Variants in CDH10 observed in about 807,000 individuals in gnomAD.
CDH10 encodes the protein cadherin-10.
CDH10 carries 30 observed loss-of-function variants against 73.1 expected under a neutral mutation model. The observed-to-expected ratio is 0.41, with a 90% CI of 0.31 to 0.56. CDH10 has a LOEUF of 0.56. Among genes scored for constraint, CDH10 ranks in the 20% least tolerant of loss-of-function variants. CDH10 has a pLI of 0.27. For synonymous variants in CDH10, 345 were observed against 348.2 expected (o/e 0.99, Z 0.10); for missense variants, 815 against 973.7 (o/e 0.84, Z 2.17).
At chr5:24,529,861 G>A (rs1380541860) in intron 5 of CDH10, among the ~76,000 whole-genome samples, 1 of 151,882 alleles carries the variant, frequency 6.6e-6, no homozygotes, top group Non-Finnish European at 1.5e-5. Flanking sequence ...GAGTCAGTGA[G>A]TGTACAGAAG....
intron 5 of CDH10, among the ~76,000 whole-genome samples, chr5:24,514,046 G>C (rs765192319): frequency 2.2e-4 from 33 of 152,208 alleles, no homozygotes; most frequent in Non-Finnish European, 4.1e-4. Context: ...GAGTTCATCT[G>C]AGTGTAGTAG....
chr5:24,588,437 G>A (rs1356519769), intron 2 of CDH10, among the ~76,000 whole-genome samples: 1 of 152,090 alleles, frequency 6.6e-6, no homozygotes, highest in African/African-American at 2.4e-5. Context: ...ACTTGGGAAC[G>A]TTTAGTCTCA....
intron 1 of CDH10, among the ~76,000 whole-genome samples, chr5:24,630,106 G>C (rs934676799): frequency 9.2e-5 from 14 of 152,036 alleles, no homozygotes; most frequent in African/African-American, 2.4e-4. Flanking sequence ...GAATGATCTT[G>C]GTTTTAAGAA....
intron 2 of CDH10, among the ~76,000 whole-genome samples, chr5:24,564,052 A>C (rs545385224): frequency 2.8e-4 from 42 of 152,178 alleles, no homozygotes; most frequent in Non-Finnish European, 5.6e-4. Context: ...ACAGTGGACC[A>C]CCTGTGAAAT....
intron 1 of CDH10, among the ~76,000 whole-genome samples, chr5:24,602,073 A>G (rs955067023): frequency 6.6e-6 from 1 of 152,120 alleles, no homozygotes; most frequent in African/African-American, 2.4e-5. Context: ...AATATGTTTA[A>G]CCATTAGAAA....
At chr5:24,549,820 G>A (rs994020277) in intron 2 of CDH10, among the ~76,000 whole-genome samples, 1 of 152,050 alleles carries the variant, frequency 6.6e-6, no homozygotes, top group Non-Finnish European at 1.5e-5. Context: ...CCAAAGTGCT[G>A]AGATTACAGG....
chr5:24,567,746 A>G (rs753083165), intron 2 of CDH10, among the ~76,000 whole-genome samples: 2 of 152,116 alleles, frequency 1.3e-5, no homozygotes, highest in African/African-American at 2.4e-5. Context: ...AACTCATCAA[A>G]GTACACTCCA....
chr5:24,533,699 T>A (rs965194821), intron 5 of CDH10, among the ~76,000 whole-genome samples: 1 of 152,060 alleles, frequency 6.6e-6, no homozygotes, highest in Non-Finnish European at 1.5e-5. Context: ...ACTTGTAAAA[T>A]GTGAAATTTA....
At chr5:24,637,726 A>C (rs187973994) in intron 1 of CDH10, among the ~76,000 whole-genome samples, 187 of 152,042 alleles carry the variant, frequency 1.2e-3, no homozygotes, top group Non-Finnish European at 2.0e-3. Context: ...ATAATAATAA[A>C]TAGCAACATA....
intron 5 of CDH10, 147 bp downstream of exon 5, chr5:24,534,965 C>T: frequency 2.9e-6 from 2 of 689,648 alleles, no homozygotes; most frequent in South Asian, 2.2e-5. Flanking sequence ...TCAGCATGTA[C>T]ACCTTTTGTT....
chr5:24,597,186 T>G (rs1327880641), intron 1 of CDH10, among the ~76,000 whole-genome samples: 1 of 152,094 alleles, frequency 6.6e-6, no homozygotes, highest in Non-Finnish European at 1.5e-5. Flanking sequence ...ATATTTCCTT[T>G]AGACCAGTGC....
intron 2 of CDH10, among the ~76,000 whole-genome samples, chr5:24,572,392 G>T (rs1011197128): frequency 6.6e-6 from 1 of 152,064 alleles, no homozygotes; most frequent in African/African-American, 2.4e-5. Context: ...GAAACCAAGA[G>T]ATAGCCGGAA....
At chr5:24,577,172 T>C (rs1336604598) in intron 2 of CDH10, among the ~76,000 whole-genome samples, 2 of 151,982 alleles carry the variant, frequency 1.3e-5, no homozygotes, top group Admixed American at 6.6e-5. Flanking sequence ...GGTGGAATTC[T>C]AGAGGTGAGA....
chr5:24,629,894 A>G (rs1435705168), intron 1 of CDH10, among the ~76,000 whole-genome samples: 1 of 152,130 alleles, frequency 6.6e-6, no homozygotes, highest in Non-Finnish European at 1.5e-5. Context: ...CTAATATAGA[A>G]TATTTTCCAG....
At chr5:24,633,086 T>G (rs921436885) in intron 1 of CDH10, among the ~76,000 whole-genome samples, 1 of 144,238 alleles carries the variant, frequency 6.9e-6, no homozygotes, top group Admixed American at 7.2e-5. Context: ...TTGATCAAAT[T>G]TATTCATGTT....
At chr5:24,548,627 T>C (rs1367242617) in intron 2 of CDH10, among the ~76,000 whole-genome samples, 1 of 152,044 alleles carries the variant, frequency 6.6e-6, no homozygotes, top group African/African-American at 2.4e-5. Flanking sequence ...AATACCTTCA[T>C]AGCCACAATG....
chr5:24,570,991 C>T (rs1054433322), intron 2 of CDH10, among the ~76,000 whole-genome samples: 1 of 151,934 alleles, frequency 6.6e-6, no homozygotes, highest in Admixed American at 6.6e-5. Flanking sequence ...TTCCTGATGA[C>T]GTGTTTTAAA....
chr5:24,623,891 CT>C (rs1323519788), intron 1 of CDH10, among the ~76,000 whole-genome samples: 1 of 151,884 alleles, frequency 6.6e-6, no homozygotes, highest in African/African-American at 2.4e-5. Context: ...TCACTCAAAA[CT>C]TTTTTTTGTT....
chr5:24,598,352 T>C (rs186517736), intron 1 of CDH10, among the ~76,000 whole-genome samples: 2 of 152,110 alleles, frequency 1.3e-5, no homozygotes, highest in East Asian at 3.9e-4. Context: ...TATCACTCTG[T>C]TTTAAGTATT....
Sources: allele counts gnomAD v4.1 joint callset (sites outside exome capture counted in the v4.1 genomes callset), GRCh38; gene constraint gnomAD v4.1.1; transcripts MANE v1.5; gene names NCBI Gene and HGNC (gene_info 2026-07-23, HGNC 2026-07-21).